CRACD: variants seen among roughly 807,000 people sequenced by gnomAD.
The protein encoded by CRACD is capping protein-inhibiting regulator of actin dynamics.
CRACD carries 56 observed loss-of-function variants against 106.8 expected under a neutral mutation model. The observed-to-expected ratio is 0.52, with a 90% CI of 0.42 to 0.66. The LOEUF (loss-of-function observed/expected upper bound fraction) is 0.66. CRACD is among the 30% of genes least tolerant of loss of function. The pLI, the probability that CRACD is intolerant of heterozygous loss-of-function variation, is 0.00. For synonymous variants in CRACD, 754 were observed against 670.8 expected (o/e 1.12, Z -1.92); for missense variants, 1,730 against 1,623.2 (o/e 1.07, Z -1.13).
chr4:56,058,495 C>T (rs1052745883), intron 1 of CRACD, among the ~76,000 whole-genome samples: 19 of 152,076 alleles, frequency 1.2e-4, no homozygotes, highest in African/African-American at 3.6e-4. Context: ...GCATACGAAC[C>T]GTGAGTGACT....
At chr4:56,316,850 C>G (rs1441038911) in intron 8 of CRACD, among the ~76,000 whole-genome samples, 161 bp downstream of exon 8, 1 of 152,164 alleles carries the variant, frequency 6.6e-6, no homozygotes, top group Non-Finnish European at 1.5e-5. Flanking sequence ...CGTGGGGCGC[C>G]TCAGTGAGAG....
At chr4:56,070,705 G>A (rs955867542) in intron 1 of CRACD, among the ~76,000 whole-genome samples, 7 of 152,180 alleles carry the variant, frequency 4.6e-5, no homozygotes, top group African/African-American at 1.7e-4. Flanking sequence ...GACACTGGGT[G>A]CTAAAGCTGC....
At chr4:56,293,723 AACTC>A (rs1340156466) in intron 3 of CRACD, among the ~76,000 whole-genome samples, 2 of 152,142 alleles carry the variant, frequency 1.3e-5, no homozygotes, top group Non-Finnish European at 2.9e-5. Flanking sequence ...ATCTTGCAAG[AACTC>A]ACTCACTACC....
chr4:56,315,620 C>G lies in CRACD; in HGVS notation c.2118C>G (p.Arg706=). 1.9e-6 allele frequency: 3 copies of G among 1,614,170 alleles called. No homozygotes were observed. Among genetic ancestry groups the G allele is most frequent in the Non-Finnish European group, 2.5e-6 (3 of 1,180,028 alleles). Reference sequence around the variant, plus strand: ...CTCCCAGGGGCCGGTGTGATTCCCGCGGGAACCAACGGAAGACTCCGCCAG... The same window carrying G: ...CTCCCAGGGGCCGGTGTGATTCCCGGGGGAACCAACGGAAGACTCCGCCAG... ...ESTPRGRCDS[R]GNQRKTPPVN... is the part of the protein sequence containing the mutation. The change falls in exon 8 of 11, where the codon CGC becomes CGG. Residue 706 remains arginine (R), a synonymous_variant. Transcript: ENST00000682029. This position sits in a 1 kb window ranked among gnomAD's most constrained non-coding sequence, Gnocchi z 4.1.
At chr4:56,069,971 A>G (rs533015555) in intron 1 of CRACD, among the ~76,000 whole-genome samples, 1 of 152,344 alleles carries the variant, frequency 6.6e-6, no homozygotes, top group Non-Finnish European at 1.5e-5. Context: ...TGTAATTATT[A>G]TTGGTTAATA....
intron 2 of CRACD, among the ~76,000 whole-genome samples, chr4:56,257,079 CTTTTT>C (rs566765737): frequency 8.7e-6 from 1 of 114,506 alleles, no homozygotes; most frequent in Non-Finnish European, 1.8e-5. Flanking sequence ...TTTTGATGTT[CTTTTT>C]TTTTTTTTTT....
Position 56,323,416 on chromosome 4 carries a change from C to G in CRACD, c.3227C>G (p.Ser1076Cys). 1 of 1,611,086 alleles carries G rather than the reference C, an allele frequency of 6.2e-7. No individual in the cohort carries two copies. The change falls in exon 9 of 11, where the codon TCC (serine) becomes TGC (cysteine). Residue 1076 changes from serine (S) to cysteine (C), a missense_variant. This residue lies in a region of CRACD where 1,620 missense variants were observed against 1,481.6 expected (regional missense o/e 1.09). Coordinates refer to ENST00000682029, the MANE Select transcript of CRACD (RefSeq NM_001393381.1). The part of the protein sequence containing the change: ...MLQSRHSLDG[S>C]KLTEKVETAQ... ...CAGAGCAGACACTCCTTAGATGGCT[C>G]CAAACTTACAGAGAAAGTGGAAACT... is the stretch of plus-strand genomic sequence containing the variant.
At chr4:56,237,165 G>A (rs1296782763) in intron 2 of CRACD, among the ~76,000 whole-genome samples, 1 of 152,092 alleles carries the variant, frequency 6.6e-6, no homozygotes, top group Non-Finnish European at 1.5e-5. Flanking sequence ...TTAATAGGGG[G>A]AAAGGTTGGA....
intron 2 of CRACD, among the ~76,000 whole-genome samples, chr4:56,181,076 G>A (rs1327923131): frequency 6.6e-6 from 1 of 152,204 alleles, no homozygotes; most frequent in Non-Finnish European, 1.5e-5. Flanking sequence ...AGTGCATGGA[G>A]CTTAATGTTG....
chr4:56,261,328 A>G (rs995675931), intron 2 of CRACD, among the ~76,000 whole-genome samples: 1 of 151,450 alleles, frequency 6.6e-6, no homozygotes, highest in Non-Finnish European at 1.5e-5. Context: ...CACATTAAAA[A>G]TATCTCCGCC....
At chr4:56,259,087 G>T (rs1267032606) in intron 2 of CRACD, among the ~76,000 whole-genome samples, 1 of 152,168 alleles carries the variant, frequency 6.6e-6, no homozygotes, top group Admixed American at 6.5e-5. Flanking sequence ...TAGCTTAGGG[G>T]AAGAGACACA....
At chr4:56,300,332 TG>T (rs888572437) in intron 4 of CRACD, among the ~76,000 whole-genome samples, 8 of 132,636 alleles carry the variant, frequency 6.0e-5, no homozygotes, top group African/African-American at 2.0e-4. Context: ...TGATGCCTGC[TG>T]CCACCGCTGC....
intron 2 of CRACD, among the ~76,000 whole-genome samples, chr4:56,237,621 T>G (rs1262785737): frequency 2.6e-5 from 4 of 152,034 alleles, no homozygotes; most frequent in African/African-American, 9.7e-5. Context: ...AATATTTAGT[T>G]TTAGAAAGAA....
chr4:56,124,033 G>A (rs911184989), intron 1 of CRACD, among the ~76,000 whole-genome samples: 1 of 151,994 alleles, frequency 6.6e-6, no homozygotes, highest in Non-Finnish European at 1.5e-5. Flanking sequence ...TGCCTCCCAG[G>A]TTCAAGCCAT....
At chr4:56,136,027 T>G (rs560196196) in intron 1 of CRACD, among the ~76,000 whole-genome samples, 1 of 152,312 alleles carries the variant, frequency 6.6e-6, no homozygotes, top group African/African-American at 2.4e-5. Flanking sequence ...TGTACTCTTT[T>G]TTTTTTTGGT....
chr4:56,088,493 A>G (rs1733308215), intron 1 of CRACD, among the ~76,000 whole-genome samples: 1 of 150,970 alleles, frequency 6.6e-6, no homozygotes, highest in Non-Finnish European at 1.5e-5. Flanking sequence ...GGTGTGCACC[A>G]TGATGCCCGG....
At chr4:56,221,678 TA>T (rs1182523522) in intron 2 of CRACD, among the ~76,000 whole-genome samples, 10 of 151,018 alleles carry the variant, frequency 6.6e-5, no homozygotes, top group African/African-American at 1.5e-4. Flanking sequence ...AAAAATAAAA[TA>T]AAAAAACTCC....
intron 1 of CRACD, among the ~76,000 whole-genome samples, chr4:56,081,354 A>G (rs1160748563): frequency 1.3e-5 from 2 of 152,174 alleles, no homozygotes; most frequent in Non-Finnish European, 2.9e-5. Context: ...GGGCTAATTA[A>G]TTTTCTGATA....
intron 2 of CRACD, among the ~76,000 whole-genome samples, chr4:56,212,557 C>T (rs1738458533): frequency 6.6e-6 from 1 of 152,230 alleles, no homozygotes; most frequent in Admixed American, 6.5e-5. Flanking sequence ...TTTCCAGTAA[C>T]ACTTCCACAT....
Sources: allele counts gnomAD v4.1 joint callset (sites outside exome capture counted in the v4.1 genomes callset), GRCh38; gene constraint gnomAD v4.1.1; regional missense constraint gnomAD v4.1.1; non-coding constraint Gnocchi (gnomAD v3.1); transcripts MANE v1.5; gene names NCBI Gene and HGNC (gene_info 2026-07-23, HGNC 2026-07-21).